TBX5: variants seen among roughly 807,000 people sequenced by gnomAD.
TBX5 encodes T-box transcription factor 5, also known as T-box transcription factor TBX5.
A neutral mutation model predicts 51.1 loss-of-function variants in TBX5; 8 were observed. That is an observed-to-expected ratio of 0.16 (90% confidence interval 0.09 to 0.28). TBX5 has a LOEUF of 0.28. TBX5 is among the 10% of genes least tolerant of loss of function. TBX5 has a pLI of 1.00. For synonymous variants in TBX5, 302 were observed against 266.4 expected (o/e 1.13, Z -1.30); for missense variants, 589 against 671.7 (o/e 0.88, Z 1.36).
chr12:114,382,074 C>T (rs1418042761), intron 7 of TBX5, among the ~76,000 whole-genome samples: 2 of 152,182 alleles, frequency 1.3e-5, no homozygotes, highest in Non-Finnish European at 2.9e-5. Flanking sequence ...CCAATTCAGG[C>T]CAAAGAAGAG....
At chr12:114,383,584 C>A (rs890917178) in intron 7 of TBX5, among the ~76,000 whole-genome samples, 1 of 152,160 alleles carries the variant, frequency 6.6e-6, no homozygotes, top group Non-Finnish European at 1.5e-5. Flanking sequence ...TCTTTGGTGG[C>A]TGCCTAAAGA....
rs1870868710 is a variant in TBX5, at chr12:114,387,254, C to T, written c.664-1687G>A. Among the ~76,000 whole-genome samples, 3 of 152,298 alleles carry T rather than the reference C, an allele frequency of 2.0e-5. No individual in the cohort carries two copies. In the South Asian group the frequency reaches 6.2e-4, roughly 32 times the overall value. On this transcript the variant is annotated intron_variant, in intron 6 of 8. Coordinates refer to ENST00000405440, the MANE Select transcript of TBX5 (RefSeq NM_181486.4). The stretch of plus-strand genomic sequence containing the variant: ...AAACTGTGCTTGATAAATGAATGTA[C>T]CCTCTAATTTCTTCATTTGAAGAGA...
chr12:114,372,696 C>T (rs1253426099), intron 7 of TBX5, among the ~76,000 whole-genome samples: 1 of 152,052 alleles, frequency 6.6e-6, no homozygotes, highest in African/African-American at 2.4e-5. Flanking sequence ...CTTAAGTACC[C>T]ACCACTTGTA....
intron 7 of TBX5, among the ~76,000 whole-genome samples, chr12:114,383,505 G>A (rs1412673306): frequency 6.6e-6 from 1 of 152,146 alleles, no homozygotes; most frequent in East Asian, 1.9e-4. Context: ...TTATAGTGAT[G>A]GCAACAGGAG....
In TBX5 at chr12:114,401,779, C is replaced by G. The variant is rs201789902; in HGVS notation, c.242+47G>C. 52 of 1,583,674 alleles carry G rather than the reference C, an allele frequency of 3.3e-5. No individual in the cohort carries two copies. The East Asian group carries it at 1.1e-3, about 35-fold the overall frequency. Reference sequence around the variant, plus strand: ...AAGCCACCTTTTCTTCTTCACCTCTCCCACAATTTCTCCTCGTCCCTCTCT... The same window carrying G: ...AAGCCACCTTTTCTTCTTCACCTCTGCCACAATTTCTCCTCGTCCCTCTCT... On this transcript the variant is annotated intron_variant, in intron 3 of 8. Transcript: ENST00000405440.
chr12:114,369,187 T>C (rs1869720738), intron 7 of TBX5, among the ~76,000 whole-genome samples: 3 of 152,176 alleles, frequency 2.0e-5, no homozygotes, highest in Admixed American at 2.0e-4. Flanking sequence ...AGTTTTTCTT[T>C]TTAATTAAAG....
chr12:114,401,674 T>G (rs1055785783), intron 3 of TBX5, 152 bp downstream of exon 3: 8 of 733,956 alleles, frequency 1.1e-5, no homozygotes, highest in African/African-American at 1.7e-5. Flanking sequence ...TATCTTTCGC[T>G]CTCTCTCTCC....
At chr12:114,406,700 C>A (rs770539860), upstream of TBX5, among the ~76,000 whole-genome samples, 2 of 152,182 alleles carry the variant, frequency 1.3e-5, no homozygotes, top group African/African-American at 4.8e-5. Flanking sequence ...CCCTCACCCC[C>A]CACCCAGTGG....
At chr12:114,403,640 T>C (rs1358177322) in intron 2 of TBX5, 112 bp downstream of exon 2, 1 of 1,469,786 alleles carries the variant, frequency 6.8e-7, no homozygotes, top group Non-Finnish European at 9.1e-7. Context: ...TGGGTTCGTT[T>C]TGGGGTTTTT....
chr12:114,367,931 A>T (rs1374976258), intron 7 of TBX5, among the ~76,000 whole-genome samples: 3 of 152,194 alleles, frequency 2.0e-5, no homozygotes, highest in African/African-American at 7.2e-5. Context: ...CTTAGAGATG[A>T]TTCATAGGCT....
rs745708633 is a variant in TBX5 at position 114,355,528 on chromosome 12, C to A, written c.*4G>T. 120 of 1,614,078 alleles carry A rather than the reference C, an allele frequency of 7.4e-5. No individual in the cohort carries two copies. The East Asian group carries it at 2.7e-3, about 36-fold the overall frequency. ...GAAATGTCTGTTGTGAAGCAGGCCT[C>A]ACTTTAGCTATTGTCGCTCCACTCT... On this transcript the variant is annotated 3_prime_UTR_variant, in exon 9 of 9. Coordinates refer to ENST00000405440, the MANE Select transcript of TBX5 (RefSeq NM_181486.4).
chr12:114,371,285 G>A (rs1224648090), intron 7 of TBX5, among the ~76,000 whole-genome samples: 2 of 152,138 alleles, frequency 1.3e-5, no homozygotes, highest in South Asian at 2.1e-4. Context: ...ACCCCAACAC[G>A]AGCTGGGGGT....
Position 114,355,540 on chromosome 12 carries a change from T to C in TBX5, c.1549A>G (p.Asn517Asp). 3 of 1,614,124 alleles carry C rather than the reference T, an allele frequency of 1.9e-6. No homozygotes were observed. Among genetic ancestry groups the C allele is most frequent in the Non-Finnish European group, 2.5e-6 (3 of 1,180,018 alleles). The change falls in exon 9 of 9, where the codon AAT becomes GAT. Residue 517 changes from asparagine (N) to aspartate (D), a missense_variant. Asn to Asp is a conservative substitution (Grantham distance 23, BLOSUM62 1). This residue lies in a region of TBX5 where 348 missense variants were observed against 360.4 expected (regional missense o/e 0.97). Coordinates refer to ENST00000405440, the MANE Select transcript of TBX5 (RefSeq NM_181486.4). ...GTGAAGCAGGCCTCACTTTAGCTAT[T>C]GTCGCTCCACTCTGGCACCATGCCA... ...GVGMVPEWSD[N>D]S
chr12:114,402,088 C>T (rs1453339289), intron 2 of TBX5, among the ~76,000 whole-genome samples, 168 bp from the exon 3 acceptor site: 2 of 152,222 alleles, frequency 1.3e-5, no homozygotes, highest in South Asian at 4.1e-4. Context: ...GAGCACCCAA[C>T]AGCCTCTGCC....
chr12:114,361,311 G>A (rs1252772853), intron 8 of TBX5, among the ~76,000 whole-genome samples: 1 of 152,180 alleles, frequency 6.6e-6, no homozygotes, highest in African/African-American at 2.4e-5. Context: ...ACCCTGCAAA[G>A]CCCTTTTCCA....
At chr12:114,371,469 A>G (rs560535264) in intron 7 of TBX5, among the ~76,000 whole-genome samples, 99 of 152,236 alleles carry the variant, frequency 6.5e-4, no homozygotes, top group African/African-American at 2.2e-3. Context: ...GCCAAACTGC[A>G]TCCTCAGCCT....
At chr12:114,377,871 G>T (rs1049464080) in intron 7 of TBX5, among the ~76,000 whole-genome samples, 2 of 152,102 alleles carry the variant, frequency 1.3e-5, no homozygotes, top group Admixed American at 6.5e-5. Context: ...AGGCGGGTGA[G>T]GTTGGTCAGT....
chr12:114,394,934 A>T (rs1325538991), intron 5 of TBX5, 41 bp from the exon 6 acceptor site: 4 of 1,602,368 alleles, frequency 2.5e-6, no homozygotes, highest in Non-Finnish European at 3.4e-6. Context: ...GAAAATCAAA[A>T]CTCCCTTTGT....
rs767086503 is a variant in TBX5, at chr12:114,366,199, C to A, written c.948G>T (p.Glu316Asp). 6.2e-7 allele frequency: 1 copy of A among 1,614,026 alleles called. No homozygotes were observed. The highest frequency in any genetic ancestry group is 8.5e-7 in the Non-Finnish European group (1 of 1,180,038). ...PPPNPYPLPQ[E>D]HSQIYHCTKR... ...TGGTACAATGGTAAATTTGGCTATG[C>A]TCCTGGGGCAGTGGGTATGGGTTGG... Residue 316 changes from glutamate to aspartate, a missense_variant, in exon 8 of 9, where the codon GAG becomes GAT. This residue lies in a region of TBX5 where 348 missense variants were observed against 360.4 expected (regional missense o/e 0.97). Coordinates refer to ENST00000405440, the MANE Select transcript of TBX5 (RefSeq NM_181486.4).
Sources: allele counts gnomAD v4.1 joint callset (sites outside exome capture counted in the v4.1 genomes callset), GRCh38; gene constraint gnomAD v4.1.1; regional missense constraint gnomAD v4.1.1; transcripts MANE v1.5; gene names NCBI Gene and HGNC (gene_info 2026-07-23, HGNC 2026-07-21).